DPP3: variants seen among roughly 807,000 people sequenced by gnomAD.
The protein encoded by DPP3 is DPP III.
A neutral mutation model predicts 89.8 loss-of-function variants in DPP3; 64 were observed. The ratio of observed to expected loss-of-function variants is 0.71; its 90% CI spans 0.58 to 0.88. The LOEUF (loss-of-function observed/expected upper bound fraction) is 0.88, where lower values mean the gene tolerates loss of function less well. Ranked by LOEUF, DPP3 falls within the 40% of genes least tolerant of loss-of-function variation. The pLI, the probability that DPP3 is intolerant of heterozygous loss-of-function variation, is 0.00. For missense variants in DPP3, 835 were observed against 972.5 expected (o/e 0.86, Z 1.88); for synonymous variants, 377 against 404.3 (o/e 0.93, Z 0.81).
At chr11:66,489,773 T>A (rs1376601611) in intron 6 of DPP3, among the ~76,000 whole-genome samples, 7 of 152,188 alleles carry the variant, frequency 4.6e-5, no homozygotes, top group Non-Finnish European at 7.4e-5. Flanking sequence ...ATCCCCAGGC[T>A]TGTTGACTCA....
Position 66,491,292 on chromosome 11 carries a change from G to A in DPP3, c.707G>A (p.Ser236Asn). 6.2e-7 allele frequency: 1 copy of A among 1,613,930 alleles called. No individual in the cohort carries two copies. Among genetic ancestry groups the A allele is most frequent in the Non-Finnish European group, 8.5e-7 (1 of 1,179,972 alleles). Residue 236 changes from serine (S) to asparagine (N), a missense_variant, in exon 7 of 18, where the codon AGC becomes AAC. Coordinates refer to ENST00000531863, the MANE Select transcript of DPP3 (RefSeq NM_130443.4). ...TCTGAGGTGACTTCCAAGCTGAAGA[G>A]CTATGAATTCCGGGGAAGCCCTTTC... ...LDSEVTSKLK[S>N]YEFRGSPFQV... is the part of the protein sequence containing the mutation.
intron 5 of DPP3, 124 bp downstream of exon 5, chr11:66,487,466 G>GC: frequency 1.0e-6 from 1 of 988,108 alleles, no homozygotes; most frequent in East Asian, 2.6e-5. Flanking sequence ...GGGAAGGCGC[G>GC]ACCCCTGCCC....
chr11:66,484,879 T>G (rs1430709627), intron 2 of DPP3, among the ~76,000 whole-genome samples: 4 of 152,094 alleles, frequency 2.6e-5, no homozygotes, highest in Non-Finnish European at 5.9e-5. Flanking sequence ...AAGGACACAG[T>G]AGCTTCAGGT....
chr11:66,487,427 G>T, intron 5 of DPP3, 85 bp downstream of exon 5: 1 of 1,393,550 alleles, frequency 7.2e-7, no homozygotes. Context: ...CCACTCCTGG[G>T]TCTCTGCTTG....
At position 66,491,700 on chromosome 11, in the gene DPP3, A is replaced by G. The variant is rs1855396925; in HGVS notation, c.932A>G (p.Tyr311Cys). ...ACCTCTGCCCTTCTCTCCCCCAGTT[A>G]CATCGGGTTCATCGAGAGCTACCGC... ...IQDKGPIVESYIGFIESYRDP... is the reference protein window; with the variant it reads ...IQDKGPIVESCIGFIESYRDP... The change falls in exon 9 of 18, where the codon TAC becomes TGC. Residue 311 changes from tyrosine to cysteine, a missense_variant and splice_region_variant. Tyr to Cys is a radical substitution (Grantham distance 194). Transcript: ENST00000531863. The G allele has an allele frequency of 6.2e-7, 1 of 1,604,996 alleles. No individual in the cohort carries two copies. The highest frequency in any genetic ancestry group is 8.5e-7 in the Non-Finnish European group (1 of 1,178,480).
chr11:66,509,126 A>G lies in DPP3; in HGVS notation c.2089A>G (p.Ile697Val). 1 of 1,614,118 alleles carries G rather than the reference A, an allele frequency of 6.2e-7. No homozygotes were observed. The highest frequency in any genetic ancestry group is 8.5e-7 in the Non-Finnish European group (1 of 1,180,024). ...LEYEASAAGL[I>V]RSFSERFPED... ...ATACGAGGCGTCAGCTGCTGGCCTCATCCGATCCTTCTCTGAGCGTTTCCC... is the reference window on the plus strand; with the variant it reads ...ATACGAGGCGTCAGCTGCTGGCCTCGTCCGATCCTTCTCTGAGCGTTTCCC... Residue 697 changes from isoleucine to valine, a missense_variant, in exon 18 of 18, where the codon ATC (isoleucine) becomes GTC (valine). Physicochemically the swap from Ile to Val is conservative, Grantham distance 29. Coordinates refer to ENST00000531863, the MANE Select transcript of DPP3 (RefSeq NM_130443.4).
At chr11:66,489,946 G>A (rs148030575) in intron 6 of DPP3, among the ~76,000 whole-genome samples, 1 of 152,172 alleles carries the variant, frequency 6.6e-6, no homozygotes, top group African/African-American at 2.4e-5. Flanking sequence ...TAAGCACATG[G>A]TGTCCCTGCT....
chr11:66,489,513 G>T (rs1855319079), intron 6 of DPP3, among the ~76,000 whole-genome samples: 1 of 152,162 alleles, frequency 6.6e-6, no homozygotes, highest in Non-Finnish European at 1.5e-5. Context: ...ACATAAGCTG[G>T]GCCTATACTT....
In DPP3 at chr11:66,509,391, C is replaced by T; in HGVS notation, c.*140C>T. On this transcript the variant is annotated 3_prime_UTR_variant, in exon 18 of 18. Transcript: ENST00000531863. ...ACTACCTCAGCTGAGGGTGGTGACA[C>T]AACCCCTTCCATTTGTCAGCACTTT... 2 of 1,537,938 alleles carry T rather than the reference C, an allele frequency of 1.3e-6. No homozygotes were observed. The highest frequency in any genetic ancestry group is 1.7e-6 in the Non-Finnish European group (2 of 1,146,818).
chr11:66,493,001 C>A, intron 10 of DPP3, 66 bp from the exon 11 acceptor site: 2 of 1,608,458 alleles, frequency 1.2e-6, no homozygotes, highest in South Asian at 2.2e-5. Flanking sequence ...ACAAACTGCT[C>A]TGTGCCTCTT....
Position 66,482,221 on chromosome 11 carries a change from C to G in DPP3, c.21C>G (p.Ile7Met). 1 of 1,614,138 alleles carries G rather than the reference C, an allele frequency of 6.2e-7. No individual in the cohort carries two copies. The highest frequency in any genetic ancestry group is 8.5e-7 in the Non-Finnish European group (1 of 1,180,018). The change falls in exon 2 of 18, where the codon ATC becomes ATG. Residue 7 changes from isoleucine (I) to methionine (M), a missense_variant. By Grantham distance (10) the Ile-to-Met change is conservative. Coordinates refer to ENST00000531863, the MANE Select transcript of DPP3 (RefSeq NM_130443.4). The part of the protein sequence containing the change: MADTQY[I>M]LPNDIGVSSL... Reference sequence around the variant, plus strand: ...GGCCCATGGCGGACACCCAGTACATCCTGCCCAATGACATCGGCGTGTCTA... The same window carrying G: ...GGCCCATGGCGGACACCCAGTACATGCTGCCCAATGACATCGGCGTGTCTA...
chr11:66,491,514 C>T lies in DPP3; in HGVS notation c.819C>T (p.His273=), dbSNP rs766213692. Residue 273 remains histidine (H), a synonymous_variant, in exon 8 of 18, where the codon CAC becomes CAT. Coordinates refer to ENST00000531863, the MANE Select transcript of DPP3 (RefSeq NM_130443.4). The part of the protein sequence containing the change: ...EKAKAYAANS[H]QGQMLAQYIE... ...CTCAGGCCTATGCAGCCAACAGCCA[C>T]CAGGGGCAGATGCTGGCCCAGTATA... is the stretch of plus-strand genomic sequence containing the variant. The T allele has an allele frequency of 6.2e-7, 1 of 1,610,708 alleles. No homozygotes were observed. The highest frequency in any genetic ancestry group is 1.1e-5 in the South Asian group (1 of 90,848).
At position 66,482,287 on chromosome 11, in the gene DPP3, A is replaced by G. The variant is rs1372651892; in HGVS notation, c.87A>G (p.Thr29=). The change falls in exon 2 of 18, where the codon ACA becomes ACG. Residue 29 remains threonine (T), a synonymous_variant. Coordinates refer to ENST00000531863, the MANE Select transcript of DPP3 (RefSeq NM_130443.4). ...AGGCCTTCCGCCTGCTGTCACCCAC[A>G]GAGCGCCTCTATGCCTACCACCTGT... ...CREAFRLLSP[T]ERLYAYHLSR... 9 of 1,614,050 alleles carry G rather than the reference A, an allele frequency of 5.6e-6. No homozygotes were observed. The highest frequency in any genetic ancestry group is 7.6e-6 in the Non-Finnish European group (9 of 1,180,050).
chr11:66,489,518 A>G (rs945868759), intron 6 of DPP3, among the ~76,000 whole-genome samples: 9 of 152,228 alleles, frequency 5.9e-5, no homozygotes, highest in African/African-American at 2.2e-4. Flanking sequence ...AGCTGGGCCT[A>G]TACTTAGAGT....
rs781588060 is a variant in DPP3, at chr11:66,485,234, A to G, written c.332A>G (p.Asp111Gly). The G allele has an allele frequency of 1.2e-6, 2 of 1,614,068 alleles. No homozygotes were observed. The highest frequency in any genetic ancestry group is 1.3e-5 in the African/African-American group (1 of 75,020). ...ATGGGCAACTACAAGTCCTTTGGTG[A>G]CACCAAGTTTGTTCCCAACTTGCCC... ...SNMGNYKSFGDTKFVPNLPKE... is the reference protein window; with the variant it reads ...SNMGNYKSFGGTKFVPNLPKE... Residue 111 changes from aspartate to glycine, a missense_variant, in exon 3 of 18, where the codon GAC becomes GGC. Transcript: ENST00000531863.
At chr11:66,508,907 T>C (rs1246237102) in intron 17 of DPP3, among the ~76,000 whole-genome samples, 172 bp from the exon 18 acceptor site, 1 of 152,166 alleles carries the variant, frequency 6.6e-6, no homozygotes, top group Non-Finnish European at 1.5e-5. Context: ...CCTCACAGGG[T>C]TACTGTAAAG....
At chr11:66,500,136 T>C (rs1374302103) in intron 16 of DPP3, among the ~76,000 whole-genome samples, 2 of 151,686 alleles carry the variant, frequency 1.3e-5, no homozygotes, top group Admixed American at 6.6e-5. Context: ...GACAGATCAC[T>C]TGAGGTAAGG....
intron 9 of DPP3, chr11:66,492,484 G>A: frequency 2.0e-6 from 1 of 488,386 alleles, no homozygotes; most frequent in Non-Finnish European, 3.6e-6. Context: ...GGCCCAGGGA[G>A]AAGGGGCAGG....
At chr11:66,498,221 G>A (rs1430536601) in intron 16 of DPP3, among the ~76,000 whole-genome samples, 2 of 152,158 alleles carry the variant, frequency 1.3e-5, no homozygotes, top group Non-Finnish European at 2.9e-5. Flanking sequence ...TGCCTCCCGA[G>A]TAGCAGGGAC....
Sources: gnomAD v4.1 joint callset for allele counts (sites outside exome capture counted in the v4.1 genomes callset) on GRCh38, gnomAD v4.1.1 for gene constraint, MANE v1.5 for transcripts, NCBI Gene and HGNC (gene_info 2026-07-23, HGNC 2026-07-21) for gene names.